The following SOX5 variants were observed in gnomAD, a reference collection of about 807,000 sequenced individuals.
SOX5 encodes transcription factor SOX-5.
A neutral mutation model predicts 92.0 loss-of-function variants in SOX5; 9 were observed. The ratio of observed to expected loss-of-function variants is 0.10; its 90% confidence interval spans 0.06 to 0.17. The LOEUF (loss-of-function observed/expected upper bound fraction) is 0.17. Among genes scored for constraint, SOX5 ranks in the 10% least tolerant of loss-of-function variants. The probability of loss-of-function intolerance (pLI) is 1.00; values close to 1 mark genes in which losing one functional copy is unlikely to be tolerated. For synonymous variants in SOX5, 344 were observed against 336.3 expected, an observed-to-expected ratio of 1.02 and a Z score of -0.25; for missense variants, 642 against 944.5, an observed-to-expected ratio of 0.68 and a Z score of 4.20.
chr12:24,301,216 G>A (rs146113881), intron 2 of SOX5, among the ~76,000 whole-genome samples: 49 of 152,296 alleles, frequency 3.2e-4, no homozygotes, highest in African/African-American at 1.1e-3. Flanking sequence ...GTTATTGAAA[G>A]TGTTCCAATT....
chr12:23,652,319 T>C (rs191320353), intron 7 of SOX5, among the ~76,000 whole-genome samples: 77 of 152,206 alleles, frequency 5.1e-4, no homozygotes, highest in Middle Eastern at 3.4e-3. Flanking sequence ...TATTATCTGT[T>C]TCTGCAATAG....
chr12:24,083,175 T>C (rs571194557), intron 4 of SOX5, among the ~76,000 whole-genome samples: 2 of 151,950 alleles, frequency 1.3e-5, no homozygotes, highest in African/African-American at 2.4e-5. Flanking sequence ...CAATTTGTTA[T>C]ACAATACAAT....
rs1183986664 is a variant in SOX5, at chr12:23,737,967, A to G, written c.741+2900T>C. Among the ~76,000 whole-genome samples the G allele has an allele frequency of 2.6e-5, 4 of 152,190 alleles. No homozygotes were observed. In the South Asian group the frequency reaches 8.3e-4, roughly 31 times the overall value. ...CTCCAATGCCCTGCATAAGTTTTCA[A>G]CATAATACTTAGCAACGTACAGTTT... On this transcript the variant is annotated intron_variant, in intron 5 of 14. Transcript: ENST00000451604.
chr12:24,474,463 G>A (rs959589607), intron 1 of SOX5, among the ~76,000 whole-genome samples: 1 of 152,144 alleles, frequency 6.6e-6, no homozygotes, highest in African/African-American at 2.4e-5. Context: ...GGGAAATTTT[G>A]TTCTGTGCAA....
intron 6 of SOX5, among the ~76,000 whole-genome samples, chr12:23,711,059 T>A (rs1207385770): frequency 6.6e-6 from 1 of 152,186 alleles, no homozygotes; most frequent in Non-Finnish European, 1.5e-5. Flanking sequence ...GAAAAAAATG[T>A]ATTGTTCCAT....
chr12:24,341,970 A>C (rs1413231636), intron 2 of SOX5, among the ~76,000 whole-genome samples: 1 of 152,186 alleles, frequency 6.6e-6, no homozygotes, highest in African/African-American at 2.4e-5. Context: ...ACTAATCCCC[A>C]GTATTAAATC....
intron 3 of SOX5, among the ~76,000 whole-genome samples, chr12:23,768,916 C>T (rs1407560402): frequency 6.6e-6 from 1 of 152,064 alleles, no homozygotes; most frequent in Non-Finnish European, 1.5e-5. Flanking sequence ...TCCCTGGTAG[C>T]TACCAAAGAA....
At chr12:23,872,525 CA>C (rs576468324) in intron 2 of SOX5, among the ~76,000 whole-genome samples, 3 of 151,994 alleles carry the variant, frequency 2.0e-5, no homozygotes, top group African/African-American at 7.2e-5. Flanking sequence ...ATAAAGCATT[CA>C]AAAAATAGAA....
At chr12:24,027,764 A>T (rs151117830) in intron 4 of SOX5, among the ~76,000 whole-genome samples, 2 of 152,064 alleles carry the variant, frequency 1.3e-5, no homozygotes, top group African/African-American at 4.8e-5. Context: ...GGAGGCCCTC[A>T]TATGCAAAAT....
chr12:24,353,560 C>T (rs1954390624), intron 2 of SOX5, among the ~76,000 whole-genome samples: 1 of 151,920 alleles, frequency 6.6e-6, no homozygotes, highest in African/African-American at 2.4e-5. Context: ...AATGATAATG[C>T]TTTGCATAGA....
intron 3 of SOX5, among the ~76,000 whole-genome samples, chr12:24,245,601 C>A (rs1259514829): frequency 6.6e-6 from 1 of 152,022 alleles, no homozygotes; most frequent in East Asian, 1.9e-4. Flanking sequence ...GGGGTCTTTG[C>A]CAGCTTGGGG....
intron 3 of SOX5, among the ~76,000 whole-genome samples, chr12:24,216,418 G>C (rs1296217122): frequency 1.3e-5 from 2 of 152,016 alleles, no homozygotes; most frequent in African/African-American, 4.8e-5. Context: ...CGGGAGGCGG[G>C]GCTTGCAGTG....
chr12:24,436,786 G>A (rs1042871075), intron 1 of SOX5, among the ~76,000 whole-genome samples: 4 of 152,196 alleles, frequency 2.6e-5, no homozygotes, highest in African/African-American at 7.2e-5. Flanking sequence ...TGGCTTCAAA[G>A]CTTCAAAGAA....
At chr12:24,261,964 G>T (rs987485372) in intron 3 of SOX5, among the ~76,000 whole-genome samples, 5 of 152,228 alleles carry the variant, frequency 3.3e-5, no homozygotes, top group African/African-American at 1.2e-4. Context: ...GTTGTATTGT[G>T]GTAAATATAT....
At chr12:24,095,673 T>A (rs1373555097) in intron 4 of SOX5, among the ~76,000 whole-genome samples, 1 of 152,054 alleles carries the variant, frequency 6.6e-6, no homozygotes, top group Non-Finnish European at 1.5e-5. Flanking sequence ...TGAATTGTAA[T>A]CCCCAGAATC....
At chr12:24,233,387 CA>C (rs1387003519) in intron 3 of SOX5, among the ~76,000 whole-genome samples, 6 of 151,710 alleles carry the variant, frequency 4.0e-5, no homozygotes, top group African/African-American at 1.5e-4. Context: ...AATTTACAAG[CA>C]AAAAGTATGC....
chr12:23,952,337 C>T (rs1277974936), upstream of SOX5, among the ~76,000 whole-genome samples: 1 of 152,164 alleles, frequency 6.6e-6, no homozygotes. Context: ...CTTGCTACAG[C>T]TACTACCTCT....
chr12:24,018,364 T>C (rs1242418070), intron 4 of SOX5, among the ~76,000 whole-genome samples: 1 of 152,198 alleles, frequency 6.6e-6, no homozygotes, highest in Non-Finnish European at 1.5e-5. Context: ...AAAAACACAA[T>C]ATTCAACGTA....
intron 3 of SOX5, among the ~76,000 whole-genome samples, chr12:24,261,710 A>G (rs1385008060): frequency 1.3e-5 from 2 of 152,208 alleles, no homozygotes; most frequent in Non-Finnish European, 2.9e-5. Flanking sequence ...AAACTGAACT[A>G]CACGGTTTTT....
Sources: gnomAD v4.1 joint callset for allele counts (sites outside exome capture counted in the v4.1 genomes callset) on GRCh38, gnomAD v4.1.1 for gene constraint, MANE v1.5 for transcripts, NCBI Gene and HGNC (gene_info 2026-07-23, HGNC 2026-07-21) for gene names.